The following SNX30 variants were observed in gnomAD, a reference collection of about 807,000 sequenced individuals.
SNX30 encodes the protein sorting nexin family member 30.
A neutral mutation model predicts 46.4 loss-of-function variants in SNX30; 24 were observed. The ratio of observed to expected loss-of-function variants is 0.52; its 90% confidence interval spans 0.37 to 0.73. The LOEUF is 0.73. Among genes scored for constraint, SNX30 ranks in the 30% least tolerant of loss-of-function variants. The pLI, the probability that SNX30 is intolerant of heterozygous loss-of-function variation, is 0.00. For missense variants in SNX30, 533 were observed against 555.7 expected, an observed-to-expected ratio of 0.96 and a Z score of 0.41; for synonymous variants, 189 against 211.5, an observed-to-expected ratio of 0.89 and a Z score of 0.92.
chr9:112,842,905 G>A (rs1358995071), intron 6 of SNX30, among the ~76,000 whole-genome samples: 4 of 152,208 alleles, frequency 2.6e-5, no homozygotes, highest in South Asian at 2.1e-4. Context: ...ATATGTGTGC[G>A]GGGACAGGAA....
intron 1 of SNX30, among the ~76,000 whole-genome samples, chr9:112,797,711 C>CTTTTTTTTTTTTTTTTTTT (rs71384277): frequency 3.3e-5 from 4 of 121,356 alleles, no homozygotes; most frequent in Non-Finnish European, 4.9e-5. Context: ...TTTTCTTTTT[C>CTTTTTTTTTTTTTTTTTTT]TTTTTTTTTT....
chr9:112,804,724 T>C (rs1840196618), intron 1 of SNX30, 52 bp from the exon 2 acceptor site: 3 of 1,363,144 alleles, frequency 2.2e-6, no homozygotes, highest in Admixed American at 5.8e-5. Flanking sequence ...CTTTTGCTGA[T>C]ACTCTCCAGT....
chr9:112,818,288 G>C lies in SNX30; in HGVS notation c.459+473G>C, dbSNP rs111456480. Among the ~76,000 whole-genome samples the C allele has an allele frequency of 1.7e-4, 25 of 147,398 alleles. No homozygotes were observed. In the East Asian group the frequency reaches 4.8e-3, roughly 28 times the overall value. On this transcript the variant is annotated intron_variant, in intron 3 of 8. Coordinates refer to ENST00000374232, the MANE Select transcript of SNX30 (RefSeq NM_001012994.2). Reference sequence around the variant, plus strand: ...ATGATCGCAGCTCACTGCAACCTCCGACTCCCAGGTTCAAGTGGATCACCT... The same window carrying C: ...ATGATCGCAGCTCACTGCAACCTCCCACTCCCAGGTTCAAGTGGATCACCT...
rs78256720 is a variant in SNX30, at chr9:112,839,145, A to G, written c.1014+448A>G. ...ACTGAAAATATGAAAGAAAAGAGAC[A>G]TAGGGAATTAATCCCAAAGGTTCAG... On this transcript the variant is annotated intron_variant, in intron 6 of 8. Transcript: ENST00000374232. Among the ~76,000 whole-genome samples, 96 of 152,316 alleles carry G rather than the reference A, an allele frequency of 6.3e-4. No homozygotes were observed. In the East Asian group the frequency reaches 0.017, roughly 26 times the overall value.
chr9:112,828,045 A>G (rs139152187), intron 3 of SNX30, among the ~76,000 whole-genome samples: 35 of 152,202 alleles, frequency 2.3e-4, no homozygotes, highest in Non-Finnish European at 3.7e-4. Flanking sequence ...TAGGTGGACA[A>G]TTTGTCACAC....
intron 1 of SNX30, among the ~76,000 whole-genome samples, chr9:112,754,412 T>A (rs1370675641): frequency 1.4e-5 from 2 of 145,990 alleles, no homozygotes; most frequent in East Asian, 4.0e-4. Flanking sequence ...GGGCCTTTTT[T>A]TTTTTTTTTT....
At chr9:112,766,019 G>T (rs1839531719) in intron 1 of SNX30, among the ~76,000 whole-genome samples, 1 of 152,146 alleles carries the variant, frequency 6.6e-6, no homozygotes, top group African/African-American at 2.4e-5. Context: ...AGCTAGGATG[G>T]TCTTGATCTC....
At chr9:112,751,634 A>T (rs912141458) in intron 1 of SNX30, among the ~76,000 whole-genome samples, 4 of 152,088 alleles carry the variant, frequency 2.6e-5, no homozygotes. Flanking sequence ...CTAGTCAGTC[A>T]TGTGGGGAGT....
At position 112,836,371 on chromosome 9, in the gene SNX30, T is replaced by C. The variant is rs1307566855; in HGVS notation, c.776T>C (p.Ile259Thr). ...ACATTTGCACTCAAACTGGGAACCA[T>C]TGATCGAATAGCCCAGCGGATCATC... is the stretch of plus-strand genomic sequence containing the variant. ...LDTFALKLGT[I>T]DRIAQRIIKE... Residue 259 changes from isoleucine to threonine, a missense_variant, in exon 5 of 9, where the codon ATT becomes ACT. Coordinates refer to ENST00000374232, the MANE Select transcript of SNX30 (RefSeq NM_001012994.2). 1.2e-6 allele frequency: 2 copies of C among 1,606,364 alleles called. No individual in the cohort carries two copies. The highest frequency in any genetic ancestry group is 1.7e-6 in the Non-Finnish European group (2 of 1,173,412).
chr9:112,781,648 T>A (rs1839848592), intron 1 of SNX30, among the ~76,000 whole-genome samples: 1 of 152,196 alleles, frequency 6.6e-6, no homozygotes. Context: ...CTTTTTTTTT[T>A]TAAGACAGAT....
intron 6 of SNX30, among the ~76,000 whole-genome samples, chr9:112,843,645 T>TTTTA (rs1554755409): frequency 3.3e-5 from 5 of 150,014 alleles, no homozygotes; most frequent in African/African-American, 9.8e-5. Flanking sequence ...TTTTTTTTTT[T>TTTTA]AGACAGAGTC....
chr9:112,797,672 A>C (rs1449365839), intron 1 of SNX30, among the ~76,000 whole-genome samples: 7 of 149,116 alleles, frequency 4.7e-5, no homozygotes, highest in Non-Finnish European at 7.4e-5. Context: ...CTTTACATTT[A>C]TAGGTGCTTG....
intron 1 of SNX30, among the ~76,000 whole-genome samples, chr9:112,788,664 C>T (rs1346738522): frequency 6.6e-6 from 1 of 152,140 alleles, no homozygotes. Flanking sequence ...GGCTTCTACA[C>T]CCTAGACCCT....
chr9:112,757,785 T>C (rs972940274), intron 1 of SNX30, among the ~76,000 whole-genome samples: 2 of 152,200 alleles, frequency 1.3e-5, no homozygotes, highest in Admixed American at 1.3e-4. Flanking sequence ...CCGTGGTTGC[T>C]CCTGCCTCTA....
chr9:112,875,641 A>T (rs1006182316), downstream of SNX30, among the ~76,000 whole-genome samples: 2 of 152,232 alleles, frequency 1.3e-5, no homozygotes, highest in Non-Finnish European at 2.9e-5. Context: ...AAGCACTTAA[A>T]TGTCAGGCAG....
intron 7 of SNX30, among the ~76,000 whole-genome samples, chr9:112,852,232 C>CA (rs1348989955): frequency 1.4e-5 from 2 of 146,074 alleles, no homozygotes. Flanking sequence ...CCAGCCTGGG[C>CA]AGCATAGGGA....
intron 1 of SNX30, among the ~76,000 whole-genome samples, chr9:112,788,653 G>A (rs1413856149): frequency 2.6e-5 from 4 of 152,104 alleles, no homozygotes; most frequent in Admixed American, 2.0e-4. Flanking sequence ...TGATCTCTGG[G>A]GGCTTCTACA....
intron 7 of SNX30, among the ~76,000 whole-genome samples, chr9:112,856,291 G>C (rs543495165): frequency 2.0e-5 from 3 of 150,992 alleles, no homozygotes; most frequent in South Asian, 4.2e-4. Flanking sequence ...GAGGGGACCT[G>C]GGGTGTCGGT....
intron 1 of SNX30, among the ~76,000 whole-genome samples, chr9:112,788,175 GTTCCT>G (rs1407908284): frequency 6.6e-6 from 1 of 152,092 alleles, no homozygotes; most frequent in Non-Finnish European, 1.5e-5. Flanking sequence ...GTCCTGCCCT[GTTCCT>G]CACTTGAGTG....
Sources: gnomAD v4.1 joint callset for allele counts (sites outside exome capture counted in the v4.1 genomes callset) on GRCh38, gnomAD v4.1.1 for gene constraint, MANE v1.5 for transcripts, NCBI Gene and HGNC (gene_info 2026-07-23, HGNC 2026-07-21) for gene names.